The following UGT2B11 variants were observed in gnomAD, a reference collection of about 807,000 sequenced individuals.
The protein encoded by UGT2B11 is UDP-glucuronosyltransferase 2B11.
Under a neutral mutation model 51.7 loss-of-function variants are expected in UGT2B11, and 49 were observed. That is an observed-to-expected ratio of 0.95 (90% confidence interval 0.75 to 1.20). The LOEUF is 1.20. UGT2B11 is among the 50% of genes most tolerant of loss of function. UGT2B11 has a pLI of 0.00. For missense variants in UGT2B11, 810 were observed against 622.1 expected (o/e 1.30, Z -3.21); for synonymous variants, 273 against 209.0 (o/e 1.31, Z -2.64).
In UGT2B11 at chr4:69,208,408, G is replaced by GTTA; in HGVS notation, c.942_944dup (p.Asn315dup). ...TTACATTGGCCCTTTCTGCTGTCAT[G>GTTA]TTACTTATCACTGACCCCAGAGAAA... On this transcript the variant is annotated inframe_insertion, in exon 3 of 6. Coordinates refer to ENST00000446444, the MANE Select transcript of UGT2B11 (RefSeq NM_001073.3). 6.2e-7 allele frequency: 1 copy of GTTA among 1,610,686 alleles called. No individual in the cohort carries two copies. The highest frequency in any genetic ancestry group is 8.5e-7 in the Non-Finnish European group (1 of 1,178,180).
At chr4:69,207,599 C>T (rs1721908173) in intron 3 of UGT2B11, among the ~76,000 whole-genome samples, 1 of 151,480 alleles carries the variant, frequency 6.6e-6, no homozygotes, top group African/African-American at 2.4e-5. Flanking sequence ...GTGCTGAGTC[C>T]TTGTGGGACC....
At chr4:69,203,336 T>C (rs181984414) in intron 5 of UGT2B11, among the ~76,000 whole-genome samples, 3 of 151,486 alleles carry the variant, frequency 2.0e-5, no homozygotes, top group Admixed American at 6.6e-5. Flanking sequence ...TCTAAGAAGG[T>C]TGTAACAAAA....
At chr4:69,223,221 G>T in the UGT2B11 span, among the ~76,000 whole-genome samples, 1 of 152,118 alleles carries the variant, frequency 6.6e-6, no homozygotes, top group Non-Finnish European at 1.5e-5. Context: ...TCTTTTTTAA[G>T]GTTTCAGGGT....
At position 69,200,336 on chromosome 4, in the gene UGT2B11, T is replaced by TTTTTTTTA; in HGVS notation, c.*103_*104insTAAAAAAA. On this transcript the variant is annotated 3_prime_UTR_variant, in exon 6 of 6. Transcript: ENST00000446444. ...AATTTTTTTTTTTTTTTTTTTTTTG[T>TTTTTTTTA]CACAGGAAGAAAGAAATCTTGCATA... The TTTTTTTTA allele has an allele frequency of 9.2e-7, 1 of 1,089,440 alleles. No homozygotes were observed. The highest frequency in any genetic ancestry group is 1.2e-6 in the Non-Finnish European group (1 of 854,694). 67.5% of individuals were successfully genotyped at this position (1,089,440 alleles called of 1,614,324 possible). A position where few individuals can be genotyped will look rare whatever the true frequency, so the allele number is the denominator to read the frequency against.
chr4:69,214,817 A>C, upstream of UGT2B11: 1 of 1,514,732 alleles, frequency 6.6e-7, no homozygotes, highest in Non-Finnish European at 8.8e-7. Flanking sequence ...AACTCCTCCA[A>C]TCCAAAGTAA....
At chr4:69,216,454 G>A (rs1351438024), upstream of UGT2B11, 2 of 151,874 alleles carry the variant, frequency 1.3e-5, no homozygotes, top group South Asian at 2.1e-4. Context: ...GAATCAATGA[G>A]GATGGAAGCT....
chr4:69,209,465 T>A (rs1210202789), intron 2 of UGT2B11, among the ~76,000 whole-genome samples: 1 of 151,696 alleles, frequency 6.6e-6, no homozygotes, highest in Non-Finnish European at 1.5e-5. Context: ...CTGCCATTGA[T>A]TGAGAATTAT....
chr4:69,200,570 T>C lies in UGT2B11; in HGVS notation c.1460A>G (p.Gln487Arg). Residue 487 changes from glutamine (Q) to arginine (R), a missense_variant, in exon 6 of 6, where the codon CAG becomes CGG. Gln to Arg is a conservative substitution (Grantham distance 43). Transcript: ENST00000446444. Reference sequence around the variant, plus strand: ...CCCAATCACATCCAAAGAGTGGTACTGGAACCAGGTGAGGTCATGGGCTGC... The same window carrying C: ...CCCAATCACATCCAAAGAGTGGTACCGGAACCAGGTGAGGTCATGGGCTGC... ...RVAAHDLTWFQYHSLDVIGFL... is the reference protein window; with the variant it reads ...RVAAHDLTWFRYHSLDVIGFL... 1 of 1,612,478 alleles carries C rather than the reference T, an allele frequency of 6.2e-7. No individual in the cohort carries two copies. Among genetic ancestry groups the C allele is most frequent in the Non-Finnish European group, 8.5e-7 (1 of 1,179,012 alleles).
At chr4:69,208,326 A>G (rs1279108774) in intron 3 of UGT2B11, 25 bp downstream of exon 3, 1 of 1,607,690 alleles carries the variant, frequency 6.2e-7, no homozygotes, top group South Asian at 1.1e-5. Context: ...GCAGTTTTCC[A>G]CACCAGTAAG....
At position 69,214,601 on chromosome 4, in the gene UGT2B11, G is replaced by T. The variant is rs536264814; in HGVS notation, c.122C>A (p.Thr41Lys). ...AEYSHWMNMKTILKELVQRGH... is the reference protein window; with the variant it reads ...AEYSHWMNMKKILKELVQRGH... ...TCTCTGAACAAGCTCTTTCAGGATT[G>T]TCTTCATATTCATCCAATGGCTGTA... Residue 41 changes from threonine to lysine, a missense_variant, in exon 1 of 6, where the codon ACA becomes AAA. Physicochemically the swap from Thr to Lys is moderately conservative, Grantham distance 78. Coordinates refer to ENST00000446444, the MANE Select transcript of UGT2B11 (RefSeq NM_001073.3). The T allele has an allele frequency of 3.4e-4, 544 of 1,613,300 alleles. 3 individuals carry two copies. In the South Asian group the frequency reaches 5.7e-3, roughly 17 times the overall value.
the UGT2B11 span, among the ~76,000 whole-genome samples, chr4:69,220,380 G>A: frequency 6.6e-6 from 1 of 152,142 alleles, no homozygotes; most frequent in South Asian, 2.1e-4. Context: ...TCATACTGTG[G>A]TCTGGAGGAC....
intron 1 of UGT2B11, 108 bp from the exon 2 acceptor site, chr4:69,212,829 G>C: frequency 8.5e-7 from 1 of 1,181,860 alleles, no homozygotes; most frequent in Non-Finnish European, 1.1e-6. Flanking sequence ...TAAAGTTTAT[G>C]TGCTTTGAAA....
At chr4:69,220,009 G>A in the UGT2B11 span, among the ~76,000 whole-genome samples, 1 of 152,092 alleles carries the variant, frequency 6.6e-6, no homozygotes, top group Non-Finnish European at 1.5e-5. Flanking sequence ...TTTTGCCTAT[G>A]AGCCTAAAAA....
At chr4:69,215,509 T>C (rs1722242830), upstream of UGT2B11, 1 of 152,056 alleles carries the variant, frequency 6.6e-6, no homozygotes, top group African/African-American at 2.4e-5. Context: ...ATAAACACAA[T>C]TTATTTATTC....
At chr4:69,214,820 C>T, upstream of UGT2B11, 1 of 1,512,868 alleles carries the variant, frequency 6.6e-7, no homozygotes, top group Non-Finnish European at 8.8e-7. Context: ...TCCTCCAATC[C>T]AAAGTAAATA....
the UGT2B11 span, among the ~76,000 whole-genome samples, chr4:69,221,319 GC>G: frequency 6.6e-6 from 1 of 152,168 alleles, no homozygotes; most frequent in African/African-American, 2.4e-5. Context: ...TAAACCTTGA[GC>G]TTTTAAATTT....
intron 2 of UGT2B11, among the ~76,000 whole-genome samples, chr4:69,210,689 A>G (rs1722028682): frequency 6.6e-6 from 1 of 151,436 alleles, no homozygotes. Flanking sequence ...GTAGAGTGAC[A>G]TAGATTTTTC....
chr4:69,204,186 T>C (rs568227215), intron 5 of UGT2B11: 1 of 370,704 alleles, frequency 2.7e-6, no homozygotes, highest in Admixed American at 4.3e-5. Flanking sequence ...TTATATTATC[T>C]ATATCATTTT....
intron 2 of UGT2B11, among the ~76,000 whole-genome samples, chr4:69,209,418 A>T (rs13113271): frequency 2.6e-5 from 4 of 151,810 alleles, no homozygotes; most frequent in Admixed American, 2.0e-4. Flanking sequence ...AGTAGCTCAC[A>T]CACACCACAT....
Sources: allele counts gnomAD v4.1 joint callset (sites outside exome capture counted in the v4.1 genomes callset), GRCh38; gene constraint gnomAD v4.1.1; transcripts MANE v1.5; gene names NCBI Gene and HGNC (gene_info 2026-07-23, HGNC 2026-07-21).